CAMTA1: variants seen among roughly 807,000 people sequenced by gnomAD.
The protein encoded by CAMTA1 is calmodulin binding transcription activator 1.
CAMTA1 carries 27 observed loss-of-function variants against 170.9 expected under a neutral mutation model. That is an observed-to-expected ratio of 0.16 (90% CI 0.12 to 0.22). The LOEUF (loss-of-function observed/expected upper bound fraction) is 0.22, where lower values mean the gene tolerates loss of function less well. Ranked by LOEUF, CAMTA1 falls within the 10% of genes least tolerant of loss-of-function variation. CAMTA1 has a pLI of 1.00. For synonymous variants in CAMTA1, 833 were observed against 891.5 expected (o/e 0.93, Z 1.17); for missense variants, 1,619 against 2,217.2 (o/e 0.73, Z 5.42).
At chr1:7,518,289 C>G (rs1328152309) in intron 6 of CAMTA1, among the ~76,000 whole-genome samples, 1 of 151,944 alleles carries the variant, frequency 6.6e-6, no homozygotes, top group African/African-American at 2.4e-5. Flanking sequence ...GTGGCGGGAT[C>G]TCTCCAGAGG....
chr1:7,379,819 G>A (rs1014949615), intron 5 of CAMTA1, among the ~76,000 whole-genome samples: 1 of 152,208 alleles, frequency 6.6e-6, no homozygotes, highest in African/African-American at 2.4e-5. Context: ...CCTAAGGACA[G>A]CTTTCCTTGT....
intron 5 of CAMTA1, among the ~76,000 whole-genome samples, chr1:7,363,781 G>C (rs187991781): frequency 3.0e-4 from 46 of 152,304 alleles, no homozygotes; most frequent in Non-Finnish European, 5.4e-4. Flanking sequence ...TGGCAGCGCT[G>C]TGGTTAGCTG....
At chr1:6,906,167 TC>T (rs1678420079) in intron 3 of CAMTA1, among the ~76,000 whole-genome samples, 2 of 89,608 alleles carry the variant, frequency 2.2e-5, no homozygotes, top group African/African-American at 8.1e-5. Flanking sequence ...ATTCCCTCTT[TC>T]GTGTCATGTC....
intron 4 of CAMTA1, among the ~76,000 whole-genome samples, chr1:7,188,937 A>G (rs1653995376): frequency 6.6e-6 from 1 of 152,236 alleles, no homozygotes; most frequent in South Asian, 2.1e-4. Context: ...GCAATGCACA[A>G]GAGTTCCAAT....
At chr1:6,915,870 C>G (rs897301710) in intron 3 of CAMTA1, among the ~76,000 whole-genome samples, 3 of 152,202 alleles carry the variant, frequency 2.0e-5, no homozygotes, top group Non-Finnish European at 4.4e-5. Context: ...GTCTATCCTA[C>G]AACTGAGTCT....
At chr1:6,791,163 C>G (rs1641001457) in intron 1 of CAMTA1, among the ~76,000 whole-genome samples, 1 of 144,566 alleles carries the variant, frequency 6.9e-6, no homozygotes, top group African/African-American at 2.6e-5. Context: ...TCCGACCTCC[C>G]TTTCTTTTCT....
chr1:7,284,645 C>T (rs1041692724), intron 5 of CAMTA1, among the ~76,000 whole-genome samples: 2 of 152,228 alleles, frequency 1.3e-5, no homozygotes, highest in Admixed American at 6.5e-5. Flanking sequence ...CCTGGCATTC[C>T]AGCCTCTCCT....
intron 7 of CAMTA1, among the ~76,000 whole-genome samples, chr1:7,650,938 A>T (rs1558056670): frequency 6.6e-6 from 1 of 152,144 alleles, no homozygotes; most frequent in Non-Finnish European, 1.5e-5. Context: ...TTTCCCATTG[A>T]CCTTGTCGCC....
chr1:7,410,218 G>T (rs773287068), intron 5 of CAMTA1, among the ~76,000 whole-genome samples: 13 of 152,176 alleles, frequency 8.5e-5, no homozygotes, highest in Non-Finnish European at 1.5e-4. Context: ...TTTCACTGGA[G>T]TACAGCCTGG....
intron 5 of CAMTA1, among the ~76,000 whole-genome samples, chr1:7,272,031 A>G (rs1669883292): frequency 6.6e-6 from 1 of 152,176 alleles, no homozygotes; most frequent in African/African-American, 2.4e-5. Context: ...TTTAAAGAAT[A>G]ATAACACAAA....
chr1:7,740,203 C>T (rs1169973096), intron 16 of CAMTA1, among the ~76,000 whole-genome samples: 1 of 152,212 alleles, frequency 6.6e-6, no homozygotes. Flanking sequence ...GAGTCTGGTA[C>T]ATTTCTTCTA....
At chr1:6,831,423 C>G (rs542335154) in intron 3 of CAMTA1, among the ~76,000 whole-genome samples, 1 of 152,320 alleles carries the variant, frequency 6.6e-6, no homozygotes, top group South Asian at 2.1e-4. Context: ...TCTGAATTCA[C>G]AAATGACTAT....
intron 22 of CAMTA1, among the ~76,000 whole-genome samples, chr1:7,763,550 T>C (rs2096992522): frequency 6.6e-6 from 1 of 152,242 alleles, no homozygotes; most frequent in South Asian, 2.1e-4. Flanking sequence ...TAAAACCTTA[T>C]GAAAACTTAA....
In CAMTA1 at chr1:7,338,217, G is replaced by A. The variant is rs576387640; in HGVS notation, c.438+88591G>A. ...TGGTACTCACCCAGCACCCAGTCCC[G>A]TTAGGTCCCAGAAAGAAGGATGCAG... On this transcript the variant is annotated intron_variant, in intron 5 of 22. Transcript: ENST00000303635. 3.9e-5 allele frequency among the ~76,000 whole-genome samples: 6 copies of A among 152,014 alleles called. No homozygotes were observed. The South Asian group carries it at 1.2e-3, about 32-fold the overall frequency.
intron 5 of CAMTA1, among the ~76,000 whole-genome samples, chr1:7,428,201 G>A (rs2091964525): frequency 6.6e-6 from 1 of 152,154 alleles, no homozygotes. Flanking sequence ...CTGTTGGGAA[G>A]CACAGCCTGG....
intron 5 of CAMTA1, among the ~76,000 whole-genome samples, chr1:7,418,655 AC>A (rs1232825677): frequency 2.6e-5 from 4 of 152,174 alleles, no homozygotes; most frequent in Non-Finnish European, 5.9e-5. Flanking sequence ...TGGCTGTCCA[AC>A]AAGTGTCTCA....
intron 4 of CAMTA1, among the ~76,000 whole-genome samples, chr1:7,229,305 C>T (rs901789156): frequency 1.3e-5 from 2 of 149,882 alleles, no homozygotes; most frequent in African/African-American, 2.5e-5. Flanking sequence ...CCCAGGGAGC[C>T]GGGAAAGTGA....
At chr1:7,201,752 A>T (rs1390598857) in intron 4 of CAMTA1, among the ~76,000 whole-genome samples, 1 of 152,144 alleles carries the variant, frequency 6.6e-6, no homozygotes, top group Admixed American at 6.5e-5. Context: ...CCTTTTTATT[A>T]TTAAGTTGTA....
chr1:7,513,181 G>A (rs555994595), intron 6 of CAMTA1, among the ~76,000 whole-genome samples: 8 of 152,154 alleles, frequency 5.3e-5, no homozygotes, highest in South Asian at 2.1e-4. Flanking sequence ...GAGCTGTGGG[G>A]TGGGGAGAAG....
Sources: gnomAD v4.1 joint callset for allele counts (sites outside exome capture counted in the v4.1 genomes callset) on GRCh38, gnomAD v4.1.1 for gene constraint, MANE v1.5 for transcripts, NCBI Gene and HGNC (gene_info 2026-07-23, HGNC 2026-07-21) for gene names.